ATF7: variants seen among roughly 807,000 people sequenced by gnomAD.
The protein encoded by ATF7 is activating transcription factor 7.
A neutral mutation model predicts 50.4 loss-of-function variants in ATF7; 10 were observed. The observed-to-expected ratio is 0.20, with a 90% confidence interval of 0.12 to 0.34. The LOEUF is 0.34. Ranked by LOEUF, ATF7 falls within the 10% of genes least tolerant of loss-of-function variation. The pLI, the probability that ATF7 is intolerant of heterozygous loss-of-function variation, is 1.00. For missense variants in ATF7, 465 were observed against 613.9 expected (o/e 0.76, Z 2.56); for synonymous variants, 201 against 226.4 (o/e 0.89, Z 1.01).
intron 1 of ATF7, among the ~76,000 whole-genome samples, chr12:53,606,740 T>A (rs1460566274): frequency 2.6e-5 from 3 of 114,100 alleles, no homozygotes; most frequent in African/African-American, 3.4e-5. Context: ...CAGTCCCCAG[T>A]GTGTGATGTT....
At chr12:53,587,521 C>T (rs1056292280) in intron 2 of ATF7, among the ~76,000 whole-genome samples, 1 of 150,892 alleles carries the variant, frequency 6.6e-6, no homozygotes, top group African/African-American at 2.4e-5. Flanking sequence ...CAAAAAAATA[C>T]TAAAACTAGC....
At chr12:53,519,580 T>A (rs1937971779) in intron 11 of ATF7, among the ~76,000 whole-genome samples, 1 of 151,864 alleles carries the variant, frequency 6.6e-6, no homozygotes, top group Admixed American at 6.6e-5. Context: ...TGCCCGCCTG[T>A]AGTCCCAGCT....
intron 4 of ATF7, among the ~76,000 whole-genome samples, chr12:53,542,020 C>A (rs1939581564): frequency 6.6e-6 from 1 of 151,436 alleles, no homozygotes; most frequent in Admixed American, 6.6e-5. Context: ...TGGGGTTTCG[C>A]CATGTTGGTC....
intron 1 of ATF7, among the ~76,000 whole-genome samples, chr12:53,603,938 A>G (rs1172240987): frequency 6.6e-6 from 1 of 152,184 alleles, no homozygotes; most frequent in African/African-American, 2.4e-5. Context: ...ACATAAAGGG[A>G]AATCTTGAAA....
intron 9 of ATF7, among the ~76,000 whole-genome samples, chr12:53,529,936 G>T (rs1384980011): frequency 6.6e-6 from 1 of 151,066 alleles, no homozygotes; most frequent in Non-Finnish European, 1.5e-5. Flanking sequence ...TAGAGATGGG[G>T]TTTCACCATG....
intron 1 of ATF7, among the ~76,000 whole-genome samples, chr12:53,618,519 A>G (rs1433593950): frequency 5.3e-5 from 8 of 152,236 alleles, no homozygotes; most frequent in Admixed American, 3.9e-4. Context: ...TTGCTCAAAC[A>G]TAAATTCAAC....
At chr12:53,611,353 T>C (rs1271262027) in intron 1 of ATF7, among the ~76,000 whole-genome samples, 1 of 151,950 alleles carries the variant, frequency 6.6e-6, no homozygotes, top group Non-Finnish European at 1.5e-5. Context: ...CTCCGGAGGC[T>C]GAGGCAGGAG....
At chr12:53,567,209 A>G (rs1191840979) in intron 2 of ATF7, among the ~76,000 whole-genome samples, 1 of 152,242 alleles carries the variant, frequency 6.6e-6, no homozygotes, top group Non-Finnish European at 1.5e-5. Context: ...CATCTTCATG[A>G]ATATTTATCA....
chr12:53,510,038 TTA>T (rs1413386686), downstream of ATF7, among the ~76,000 whole-genome samples: 1 of 151,862 alleles, frequency 6.6e-6, no homozygotes. Context: ...TCTTGTAGTT[TTA>T]TCTTTTTTTT....
At chr12:53,562,206 C>G (rs1941165495) in intron 2 of ATF7, among the ~76,000 whole-genome samples, 1 of 152,216 alleles carries the variant, frequency 6.6e-6, no homozygotes, top group Non-Finnish European at 1.5e-5. Context: ...GAACAAGGAT[C>G]TCTCCATTTG....
chr12:53,540,281 G>A (rs1209029629), intron 4 of ATF7, among the ~76,000 whole-genome samples: 1 of 151,264 alleles, frequency 6.6e-6, no homozygotes, highest in Non-Finnish European at 1.5e-5. Context: ...AACTCAGGAG[G>A]TGGAGGTTGC....
At chr12:53,576,547 AG>A (rs1326686267) in intron 2 of ATF7, among the ~76,000 whole-genome samples, 1 of 152,216 alleles carries the variant, frequency 6.6e-6, no homozygotes, top group Non-Finnish European at 1.5e-5. Context: ...CTGCCATGTG[AG>A]GACACAGAGC....
At chr12:53,553,287 C>T (rs988010628) in intron 2 of ATF7, among the ~76,000 whole-genome samples, 33 of 152,168 alleles carry the variant, frequency 2.2e-4, no homozygotes, top group African/African-American at 7.5e-4. Context: ...CTCCCCTCAT[C>T]GGGCAGCCCG....
chr12:53,532,756 C>T (rs373799645), intron 7 of ATF7, 133 bp from the exon 8 acceptor site: 7 of 631,160 alleles, frequency 1.1e-5, no homozygotes, highest in South Asian at 4.2e-5. Flanking sequence ...GCCCATAGGG[C>T]GTGCAGGGAC....
intron 1 of ATF7, among the ~76,000 whole-genome samples, chr12:53,608,372 A>C (rs895893438): frequency 1.3e-5 from 2 of 152,202 alleles, no homozygotes; most frequent in Admixed American, 6.5e-5. Context: ...ATTAAGTTCA[A>C]AAAGGACCAT....
At position 53,587,366 on chromosome 12, in the gene ATF7, C is replaced by CAAAA. The variant is rs55904354; in HGVS notation, c.48+13583_48+13586dup. On this transcript the variant is annotated intron_variant, in intron 2 of 11. Transcript: ENST00000420353. The stretch of plus-strand genomic sequence containing the variant: ...TGGGTGACAGAGCGAAATTCCGCAT[C>CAAAA]AAAAAAAAAAAAAAAAAGAAGGAAA... Among the ~76,000 whole-genome samples the CAAAA allele has an allele frequency of 3.6e-3, 223 of 62,284 alleles. 8 individuals carry two copies. Among genetic ancestry groups the CAAAA allele is most frequent in the African/African-American group, 0.011 (210 of 18,338 alleles). The allele number at this position is 62,284 out of a possible 152,430, so 40.9% of individuals were successfully genotyped here.
At chr12:53,587,699 T>A (rs1592937613) in intron 2 of ATF7, among the ~76,000 whole-genome samples, 2 of 147,904 alleles carry the variant, frequency 1.4e-5, no homozygotes, top group African/African-American at 2.5e-5. Context: ...AATGGGAAAA[T>A]GTATGTTTTA....
At chr12:53,604,008 C>T (rs950183979) in intron 1 of ATF7, among the ~76,000 whole-genome samples, 1 of 152,214 alleles carries the variant, frequency 6.6e-6, no homozygotes, top group Non-Finnish European at 1.5e-5. Flanking sequence ...TACTGCTTGA[C>T]AAGCAGATCA....
intron 2 of ATF7, among the ~76,000 whole-genome samples, chr12:53,554,733 G>A (rs1034045525): frequency 2.7e-5 from 4 of 150,480 alleles, no homozygotes; most frequent in Non-Finnish European, 5.9e-5. Flanking sequence ...CATGGTGGCG[G>A]GTGCTTGTAA....
Sources: gnomAD v4.1 joint callset for allele counts (sites outside exome capture counted in the v4.1 genomes callset) on GRCh38, gnomAD v4.1.1 for gene constraint, MANE v1.5 for transcripts, NCBI Gene and HGNC (gene_info 2026-07-23, HGNC 2026-07-21) for gene names.